The following KCNT2 variants were observed in gnomAD, a reference collection of about 807,000 sequenced individuals.
KCNT2 encodes the protein potassium sodium-activated channel subfamily T member 2.
A neutral mutation model predicts 153.8 loss-of-function variants in KCNT2; 67 were observed. The observed-to-expected ratio is 0.44, with a 90% CI of 0.36 to 0.53. KCNT2 has a LOEUF of 0.53. Ranked by LOEUF, KCNT2 falls within the 20% of genes least tolerant of loss-of-function variation. KCNT2 has a pLI of 0.00. For missense variants in KCNT2, 975 were observed against 1,354.8 expected (o/e 0.72, Z 4.40); for synonymous variants, 500 against 458.8 (o/e 1.09, Z -1.15).
chr1:196,529,598 G>A (rs28648549), intron 1 of KCNT2, among the ~76,000 whole-genome samples: 1 of 152,022 alleles, frequency 6.6e-6, no homozygotes, highest in East Asian at 1.9e-4. Context: ...TATTTTTTAA[G>A]GATTTTATAG....
At chr1:196,530,972 A>T in intron 1 of KCNT2, among the ~76,000 whole-genome samples, 1 of 152,086 alleles carries the variant, frequency 6.6e-6, no homozygotes, top group East Asian at 1.9e-4. Context: ...ATTATTTGTT[A>T]GTTTCCGATA....
Position 196,373,328 on chromosome 1 carries a change from A to G in KCNT2, c.1295-80T>C, listed in dbSNP as rs73067631. ...ATGTAAAAAATAAAACAAAATGAAT[A>G]AAATGGTAAAAGTCTCAATATAAAC... On this transcript the variant is annotated intron_variant, in intron 13 of 27. Transcript: ENST00000294725. 2.4e-3 allele frequency: 1,683 copies of G among 702,928 alleles called. 26 individuals carry two copies. The African/African-American group carries it at 0.027, about 11-fold the overall frequency. The allele number at this position is 702,928 out of a possible 1,614,324, so 43.5% of individuals were successfully genotyped here. A position where few individuals can be genotyped will look rare whatever the true frequency, so the allele number is the denominator to read the frequency against.
At chr1:196,503,838 C>T (rs1259231362) in intron 1 of KCNT2, among the ~76,000 whole-genome samples, 1 of 152,162 alleles carries the variant, frequency 6.6e-6, no homozygotes, top group African/African-American at 2.4e-5. Flanking sequence ...TCCAAATCGT[C>T]TCTTCCATTT....
intron 1 of KCNT2, among the ~76,000 whole-genome samples, chr1:196,523,319 C>T (rs1384860726): frequency 6.6e-6 from 1 of 152,110 alleles, no homozygotes; most frequent in Admixed American, 6.5e-5. Context: ...TAACACTCAC[C>T]ATGAGGGTCT....
intron 1 of KCNT2, among the ~76,000 whole-genome samples, chr1:196,493,372 G>C (rs545287667): frequency 1.0e-4 from 15 of 150,596 alleles, no homozygotes; most frequent in Middle Eastern, 3.2e-3. Context: ...TTTTGCAAGA[G>C]TAGATACCTT....
intron 25 of KCNT2, 147 bp downstream of exon 25, chr1:196,280,713 A>G: frequency 1.4e-6 from 1 of 714,798 alleles, no homozygotes; most frequent in Non-Finnish European, 2.3e-6. Flanking sequence ...TTGAAAAAAA[A>G]TTTGGTTCTG....
chr1:196,336,456 A>T (rs1665043006), intron 16 of KCNT2, among the ~76,000 whole-genome samples: 1 of 152,204 alleles, frequency 6.6e-6, no homozygotes, highest in Non-Finnish European at 1.5e-5. Context: ...TACTTAAATT[A>T]AGTTCCATGG....
At chr1:196,525,008 G>A (rs182691538) in intron 1 of KCNT2, among the ~76,000 whole-genome samples, 1 of 152,176 alleles carries the variant, frequency 6.6e-6, no homozygotes, top group African/African-American at 2.4e-5. Context: ...GTGATTTGTT[G>A]TATTTTGGAG....
chr1:196,514,824 T>C (rs1681921733), intron 1 of KCNT2, among the ~76,000 whole-genome samples: 1 of 152,328 alleles, frequency 6.6e-6, no homozygotes, highest in Admixed American at 6.5e-5. Flanking sequence ...TTAATTCTGC[T>C]AAATGTGTCT....
At chr1:196,283,571 A>G (rs1197741492) in intron 23 of KCNT2, among the ~76,000 whole-genome samples, 2 of 152,148 alleles carry the variant, frequency 1.3e-5, no homozygotes, top group Admixed American at 6.5e-5. Context: ...GTCTTTACAG[A>G]CACAGACCAT....
At chr1:196,487,442 G>A (rs1343451113) in intron 3 of KCNT2, among the ~76,000 whole-genome samples, 1 of 141,926 alleles carries the variant, frequency 7.0e-6, no homozygotes, top group Non-Finnish European at 1.6e-5. Context: ...GTGTATGTAT[G>A]TGTCTGTGTC....
chr1:196,601,838 A>G (rs781022698), intron 1 of KCNT2, among the ~76,000 whole-genome samples: 20 of 152,266 alleles, frequency 1.3e-4, no homozygotes, highest in Middle Eastern at 3.4e-3. Flanking sequence ...TTCTTTGGTA[A>G]TATGTCTGAC....
At chr1:196,356,382 C>T (rs1227302800) in intron 14 of KCNT2, among the ~76,000 whole-genome samples, 1 of 151,742 alleles carries the variant, frequency 6.6e-6, no homozygotes, top group African/African-American at 2.4e-5. Flanking sequence ...AAAGTCCTAA[C>T]ATGGTACCTT....
At chr1:196,249,804 T>C (rs1039328147) in intron 26 of KCNT2, among the ~76,000 whole-genome samples, 10 of 151,728 alleles carry the variant, frequency 6.6e-5, no homozygotes, top group African/African-American at 1.9e-4. Context: ...TATTTTTATA[T>C]GCCAACAGTG....
At chr1:196,528,979 ATG>A (rs1240586485) in intron 1 of KCNT2, among the ~76,000 whole-genome samples, 1 of 151,178 alleles carries the variant, frequency 6.6e-6, no homozygotes, top group African/African-American at 2.5e-5. Flanking sequence ...AAAATAAATA[ATG>A]TGACTGAATA....
chr1:196,515,770 A>T (rs74728053), intron 1 of KCNT2, among the ~76,000 whole-genome samples: 2,604 of 152,218 alleles, frequency 0.017, 77 homozygotes, highest in African/African-American at 0.059. Flanking sequence ...AAACAACTCA[A>T]CCCAAGGAGA....
intron 1 of KCNT2, among the ~76,000 whole-genome samples, chr1:196,533,005 A>G (rs181971309): frequency 1.3e-5 from 2 of 152,230 alleles, no homozygotes; most frequent in Admixed American, 1.3e-4. Flanking sequence ...AAAATTCTCA[A>G]ATAATCAGCA....
At chr1:196,245,943 A>G (rs996020464) in intron 26 of KCNT2, among the ~76,000 whole-genome samples, 2 of 152,192 alleles carry the variant, frequency 1.3e-5, no homozygotes, top group African/African-American at 4.8e-5. Context: ...CAGGATAGTA[A>G]CAGAGAAATT....
At chr1:196,254,299 G>A (rs1558069731) in intron 26 of KCNT2, among the ~76,000 whole-genome samples, 6 of 151,296 alleles carry the variant, frequency 4.0e-5, no homozygotes, top group African/African-American at 1.5e-4. Flanking sequence ...GAATTATACA[G>A]AATATAATTA....
Sources: gnomAD v4.1 joint callset for allele counts (sites outside exome capture counted in the v4.1 genomes callset) on GRCh38, gnomAD v4.1.1 for gene constraint, MANE v1.5 for transcripts, NCBI Gene and HGNC (gene_info 2026-07-23, HGNC 2026-07-21) for gene names.